MYO7A: variants seen among roughly 807,000 people sequenced by gnomAD.
MYO7A encodes unconventional myosin-VIIa.
In MYO7A, 210 loss-of-function variants were observed where a neutral mutation model predicts 263.8. The observed-to-expected ratio is 0.80, with a 90% CI of 0.71 to 0.89. The LOEUF is 0.89. MYO7A is among the 40% of genes least tolerant of loss of function. The probability of loss-of-function intolerance (pLI) is 0.00; values close to 1 mark genes in which losing one functional copy is unlikely to be tolerated. For synonymous variants in MYO7A, 1,239 were observed against 1,197.3 expected (o/e 1.03, Z -0.72); for missense variants, 2,820 against 2,968.3 (o/e 0.95, Z 1.16).
Position 77,211,277 on chromosome 11 carries a change from G to A in MYO7A, c.6177G>A (p.Leu2059=). ...DKSYFPSIPK[L]LRELVPQDLI... ...CCTACTTCCCCAGCATCCCCAAGCTGCTGCGGGAGCTGGTGCCCCAGGACC... is the reference window on the plus strand; with the variant it reads ...CCTACTTCCCCAGCATCCCCAAGCTACTGCGGGAGCTGGTGCCCCAGGACC... Residue 2059 remains leucine, a synonymous_variant, in exon 45 of 49, where the codon CTG becomes CTA. Transcript: ENST00000409709. 6.3e-7 allele frequency: 1 copy of A among 1,580,542 alleles called. No homozygotes were observed. The highest frequency in any genetic ancestry group is 8.6e-7 in the Non-Finnish European group (1 of 1,163,420).
At chr11:77,163,128 C>A in intron 14 of MYO7A, 140 bp downstream of exon 14, 1 of 901,906 alleles carries the variant, frequency 1.1e-6, no homozygotes, top group Non-Finnish European at 1.6e-6. Context: ...ATGAACTTGA[C>A]TAAAATGGCC....
At chr11:77,197,296 G>A (rs1028271178) in intron 32 of MYO7A, among the ~76,000 whole-genome samples, 185 bp from the exon 33 acceptor site, 5 of 152,242 alleles carry the variant, frequency 3.3e-5, no homozygotes, top group African/African-American at 7.2e-5. Flanking sequence ...AGTGCTCGCC[G>A]ATGTTGACGA....
In MYO7A at chr11:77,192,285, G is replaced by A. The variant is rs746467104; in HGVS notation, c.4152+7G>A. Reference sequence around the variant, plus strand: ...GGAGTACAGGTGTGAGAAGGTGAGTGGGAGGGAATCTTCCGCCAGGCTGGC... The same window carrying A: ...GGAGTACAGGTGTGAGAAGGTGAGTAGGAGGGAATCTTCCGCCAGGCTGGC... On this transcript the variant is annotated splice_region_variant and intron_variant, in intron 31 of 48. Coordinates refer to ENST00000409709, the MANE Select transcript of MYO7A (RefSeq NM_000260.4). 1 of 1,612,328 alleles carries A rather than the reference G, an allele frequency of 6.2e-7. No homozygotes were observed. Among genetic ancestry groups the A allele is most frequent in the Non-Finnish European group, 8.5e-7 (1 of 1,178,360 alleles).
chr11:77,140,966 T>A (rs2135598042), intron 2 of MYO7A, among the ~76,000 whole-genome samples: 1 of 152,332 alleles, frequency 6.6e-6, no homozygotes, highest in African/African-American at 2.4e-5. Flanking sequence ...CCCATAAGAC[T>A]ATAATGCCAT....
Position 77,194,535 on chromosome 11 carries a change from T to G in MYO7A, c.4323+11T>G. 1 of 1,584,690 alleles carries G rather than the reference T, an allele frequency of 6.3e-7. No homozygotes were observed. Among genetic ancestry groups the G allele is most frequent in the Non-Finnish European group, 8.6e-7 (1 of 1,165,932 alleles). ...GCCGCCCACAAGAAGGTAGAAGGGC[T>G]GAGAGGAGTCCTAGAGAAGGGATGT... is the stretch of plus-strand genomic sequence containing the variant. On this transcript the variant is annotated intron_variant, in intron 32 of 48. Transcript: ENST00000409709.
chr11:77,202,296 CT>C lies in MYO7A; in HGVS notation c.5044-3del, dbSNP rs1263845121. 6.3e-7 allele frequency: 1 copy of C among 1,583,904 alleles called. No homozygotes were observed. The highest frequency in any genetic ancestry group is 8.6e-7 in the Non-Finnish European group (1 of 1,164,096). ...ACCTGAGCCCCCTGTCTCTTGGTCC[CT>C]AGGCCCTGGTCACCATGACTCCCGA... On this transcript the variant is annotated splice_region_variant and splice_polypyrimidine_tract_variant and intron_variant, in intron 36 of 48. Transcript: ENST00000409709.
At chr11:77,208,122 A>G (rs577205839) in intron 42 of MYO7A, among the ~76,000 whole-genome samples, 1 of 152,312 alleles carries the variant, frequency 6.6e-6, no homozygotes, top group African/African-American at 2.4e-5. Flanking sequence ...GAGGAGCTGG[A>G]CATGGATGCC....
chr11:77,213,338 G>C lies in MYO7A; in HGVS notation c.6438+303G>C, dbSNP rs144270492. Among the ~76,000 whole-genome samples, 557 of 152,346 alleles carry C rather than the reference G, an allele frequency of 3.7e-3. 8 individuals are homozygous for C. The highest frequency in any genetic ancestry group is 0.018 in the Admixed American group (279 of 15,304). ...AGGTCATGGGGCTGGCTGTGCAGGG[G>C]TGACCGTGCATCTGTGTTTCTGGGC... is the stretch of plus-strand genomic sequence containing the variant. On this transcript the variant is annotated intron_variant, in intron 47 of 48. Coordinates refer to ENST00000409709, the MANE Select transcript of MYO7A (RefSeq NM_000260.4).
Position 77,181,583 on chromosome 11 carries a change from C to G in MYO7A, c.2898C>G (p.Gly966=). The G allele has an allele frequency of 6.8e-6, 11 of 1,612,978 alleles. No individual in the cohort carries two copies. The highest frequency in any genetic ancestry group is 9.3e-6 in the Non-Finnish European group (11 of 1,179,784). Residue 966 remains glycine (G), a synonymous_variant, in exon 23 of 49, where the codon GGC becomes GGG. Transcript: ENST00000409709. ...LPGQEGQAPS[G]FEDLERGRRE... ...GCCAGGAGGGCCAGGCACCTAGTGG[C>G]TTTGAGGTACCAGGCTAGGGACAGG...
Position 77,157,302 on chromosome 11 carries a change from C to T in MYO7A, c.759C>T (p.His253=), listed in dbSNP as rs182220009. 2.0e-5 allele frequency: 33 copies of T among 1,611,566 alleles called. No individual in the cohort carries two copies. Among genetic ancestry groups the T allele is most frequent in the Middle Eastern group, 1.6e-4 (1 of 6,062 alleles). The change falls in exon 8 of 49, where the codon CAC becomes CAT. Residue 253 remains histidine, a synonymous_variant. Coordinates refer to ENST00000409709, the MANE Select transcript of MYO7A (RefSeq NM_000260.4). ...AGGCCCTGGATGAAAGGAACTACCA[C>T]GTGTTCTACTGCATGCTGGAGGGTA... The part of the protein sequence containing the change: ...CRQALDERNY[H]VFYCMLEGMS...
chr11:77,201,497 C>T lies in MYO7A; in HGVS notation c.4902C>T (p.Ile1634=). The T allele has an allele frequency of 1.9e-6, 3 of 1,613,984 alleles. No homozygotes were observed. Among genetic ancestry groups the T allele is most frequent in the Non-Finnish European group, 2.5e-6 (3 of 1,179,882 alleles). The stretch of plus-strand genomic sequence containing the variant: ...GCTTTGCCAAGGGAGACCTCATCAT[C>T]CTGGACCATGACACGGGCGAGCAGG... ...FLSFAKGDLI[I]LDHDTGEQVM... Residue 1634 remains isoleucine (I), a synonymous_variant, in exon 36 of 49, where the codon ATC becomes ATT. Coordinates refer to ENST00000409709, the MANE Select transcript of MYO7A (RefSeq NM_000260.4).
rs760052558 is a variant in MYO7A at position 77,198,530 on chromosome 11, G to A, written c.4477G>A (p.Val1493Ile). ...CCCCAAGAACGACGTCATCGTGGCC[G>A]TCAACTGGACGGGTGTGTACTTTGT... ...SLPKNDVIVA[V>I]NWTGVYFVDE... Residue 1493 changes from valine to isoleucine, a missense_variant, in exon 34 of 49, where the codon GTC (valine) becomes ATC (isoleucine). Val to Ile is a conservative substitution (Grantham distance 29). Coordinates refer to ENST00000409709, the MANE Select transcript of MYO7A (RefSeq NM_000260.4). 47 of 1,613,770 alleles carry A rather than the reference G, an allele frequency of 2.9e-5. No individual in the cohort carries two copies. Among genetic ancestry groups the A allele is most frequent in the South Asian group, 3.3e-5 (3 of 91,082 alleles).
At chr11:77,207,194 G>C (rs1957495557) in intron 41 of MYO7A, 95 bp from the exon 42 acceptor site, 1 of 785,040 alleles carries the variant, frequency 1.3e-6, no homozygotes, top group Non-Finnish European at 2.1e-6. Context: ...TGGCACGGGA[G>C]GGGGCTCAGT....
chr11:77,195,744 T>C (rs746213802), intron 32 of MYO7A, among the ~76,000 whole-genome samples: 2 of 152,214 alleles, frequency 1.3e-5, no homozygotes, highest in African/African-American at 2.4e-5. Flanking sequence ...GAATGGACAG[T>C]TGTGAATCAC....
intron 35 of MYO7A, 140 bp from the exon 36 acceptor site, chr11:77,201,308 C>G: frequency 1.2e-6 from 1 of 819,302 alleles, no homozygotes; most frequent in Non-Finnish European, 2.0e-6. Context: ...GTGATGGTCT[C>G]TGTATGGAGA....
chr11:77,159,644 G>C, intron 10 of MYO7A, 121 bp downstream of exon 10: 1 of 992,254 alleles, frequency 1.0e-6, no homozygotes, highest in Non-Finnish European at 1.5e-6. Flanking sequence ...GGAGAGTTCT[G>C]TTCAATATGG....
intron 4 of MYO7A, among the ~76,000 whole-genome samples, chr11:77,152,987 G>T (rs1555058028): frequency 6.6e-6 from 1 of 152,156 alleles, no homozygotes; most frequent in African/African-American, 2.4e-5. Flanking sequence ...GACGAGGGTG[G>T]CAGGAGCCAG....
At position 77,183,804 on chromosome 11, in the gene MYO7A, C is replaced by T. The variant is rs562139993; in HGVS notation, c.3375+647C>T. 1.3e-4 allele frequency among the ~76,000 whole-genome samples: 20 copies of T among 152,292 alleles called. No individual in the cohort carries two copies. The South Asian group carries it at 4.1e-3, about 32-fold the overall frequency. On this transcript the variant is annotated intron_variant, in intron 26 of 48. Coordinates refer to ENST00000409709, the MANE Select transcript of MYO7A (RefSeq NM_000260.4). ...GGAAGCCTCCCCAGCTCCTCCACTG[C>T]AGAGTCAGGGGCTCCCACTTCACCT...
At position 77,202,330 on chromosome 11, in the gene MYO7A, C is replaced by T. The variant is rs564645548; in HGVS notation, c.5074C>T (p.Gln1692Ter). Reference protein sequence around the residue: ...ALVTMTPDQRQDVVRLLQLRT... With the variant: ...ALVTMTPDQR ...GGTCACCATGACTCCCGATCAGAGG[C>T]AGGACGTTGTCCGGCTCTTGCAGCT... The change falls in exon 37 of 49, where the codon CAG (glutamine) becomes TAG (stop). Residue 1692 changes from glutamine (Q) to a stop codon, truncating the protein, a stop_gained. Coordinates refer to ENST00000409709, the MANE Select transcript of MYO7A (RefSeq NM_000260.4). LOFTEE classifies it high-confidence loss of function. 1.3e-6 allele frequency: 2 copies of T among 1,584,636 alleles called. No homozygotes were observed. Among genetic ancestry groups the T allele is most frequent in the African/African-American group, 2.7e-5 (2 of 74,462 alleles).
Sources: allele counts gnomAD v4.1 joint callset (sites outside exome capture counted in the v4.1 genomes callset), GRCh38; gene constraint gnomAD v4.1.1; transcripts MANE v1.5; gene names NCBI Gene and HGNC (gene_info 2026-07-23, HGNC 2026-07-21).